VPS13C: variants seen among roughly 807,000 people sequenced by gnomAD.
The protein encoded by VPS13C is intermembrane lipid transfer protein VPS13C.
In VPS13C, 358 loss-of-function variants were observed where a neutral mutation model predicts 456.8. The observed-to-expected ratio is 0.78, with a 90% CI of 0.72 to 0.86. The LOEUF is 0.86. Ranked by LOEUF, VPS13C falls within the 40% of genes least tolerant of loss-of-function variation. The pLI is 0.00. For missense variants in VPS13C, 4,818 were observed against 4,385.4 expected (o/e 1.10, Z -2.79); for synonymous variants, 1,578 against 1,486.7 (o/e 1.06, Z -1.41).
At chr15:61,904,585 T>G (rs1207253320) in intron 66 of VPS13C, among the ~76,000 whole-genome samples, 3 of 151,646 alleles carry the variant, frequency 2.0e-5, no homozygotes, top group Admixed American at 6.6e-5. Flanking sequence ...GAAAACAGTA[T>G]GGAGTTTCCT....
chr15:61,871,924 T>G (rs1486363800), intron 79 of VPS13C, 65 bp downstream of exon 79: 4 of 1,397,654 alleles, frequency 2.9e-6, no homozygotes, highest in Non-Finnish European at 4.0e-6. Context: ...CAATAACATC[T>G]ACTATGTTTA....
At chr15:61,950,567 AC>A (rs1225032299) in intron 40 of VPS13C, 150 bp from the exon 41 acceptor site, 3 of 657,752 alleles carry the variant, frequency 4.6e-6, no homozygotes, top group East Asian at 2.8e-5. Flanking sequence ...AAAAAAAAAA[AC>A]AAAAACAAAC....
At chr15:61,868,260 G>A (rs929951782) in intron 81 of VPS13C, among the ~76,000 whole-genome samples, 1 of 151,878 alleles carries the variant, frequency 6.6e-6, no homozygotes, top group Non-Finnish European at 1.5e-5. Flanking sequence ...TCTAGTTCTA[G>A]TTACTGGAAT....
At chr15:62,007,875 G>A (rs183837841) in intron 14 of VPS13C, among the ~76,000 whole-genome samples, 1 of 152,232 alleles carries the variant, frequency 6.6e-6, no homozygotes, top group African/African-American at 2.4e-5. Flanking sequence ...GAGAGGCCAA[G>A]GCGGGCAGAT....
chr15:62,054,128 A>G (rs961238797), intron 1 of VPS13C, among the ~76,000 whole-genome samples: 1 of 152,206 alleles, frequency 6.6e-6, no homozygotes, highest in Non-Finnish European at 1.5e-5. Context: ...GCATTTCAAC[A>G]TACCTTTTCA....
intron 15 of VPS13C, among the ~76,000 whole-genome samples, chr15:62,001,319 A>G (rs1236857687): frequency 6.6e-6 from 1 of 152,232 alleles, no homozygotes; most frequent in Non-Finnish European, 1.5e-5. Flanking sequence ...ATCTGACGCC[A>G]ATAACTACGC....
intron 24 of VPS13C, 122 bp downstream of exon 24, chr15:61,976,960 A>C (rs2045720289): frequency 1.6e-6 from 1 of 624,788 alleles, no homozygotes; most frequent in African/African-American, 1.9e-5. Context: ...TCTGCTGCAA[A>C]TTGGAATAAT....
intron 1 of VPS13C, among the ~76,000 whole-genome samples, chr15:62,048,762 CCT>C (rs1461019218): frequency 6.6e-6 from 1 of 151,920 alleles, no homozygotes; most frequent in Non-Finnish European, 1.5e-5. Context: ...CTCTCCAGCA[CCT>C]GTTGTTTCCT....
In VPS13C at chr15:61,871,673, C is replaced by G. The variant is rs149873497; in HGVS notation, c.10624+316G>C. ...AACTGGGATTTTGATAAGGGTTGCA[C>G]TGAATAAGCAATGTGCTTTTTTAAT... On this transcript the variant is annotated intron_variant, in intron 79 of 84. Coordinates refer to ENST00000644861, the MANE Select transcript of VPS13C (RefSeq NM_020821.3). 8.2e-4 allele frequency among the ~76,000 whole-genome samples: 124 copies of G among 152,124 alleles called. 1 individual carries two copies. The highest frequency in any genetic ancestry group is 7.0e-3 in the South Asian group (34 of 4,830).
rs1296651795 is a variant in VPS13C at position 61,998,751 on chromosome 15, G to A, written c.1353+1813C>T. On this transcript the variant is annotated intron_variant, in intron 16 of 84. Coordinates refer to ENST00000644861, the MANE Select transcript of VPS13C (RefSeq NM_020821.3). The stretch of plus-strand genomic sequence containing the variant: ...ATGAACAAGTGTAGAGATGACCCTT[G>A]AACAACATGGGTTTGAACGGCATGA... 3.9e-5 allele frequency among the ~76,000 whole-genome samples: 6 copies of A among 152,208 alleles called. No individual in the cohort carries two copies. In the East Asian group the frequency reaches 1.2e-3, roughly 29 times the overall value.
Position 62,012,170 on chromosome 15 carries a change from C to T in VPS13C, c.826-6G>A, listed in dbSNP as rs1053640529. ...ATTTCATTTTTCAGCTGATCCTAAA[C>T]AAAAAATTTGAATGAGAATGAAAAA... On this transcript the variant is annotated splice_region_variant and splice_polypyrimidine_tract_variant and intron_variant, in intron 11 of 84. Coordinates refer to ENST00000644861, the MANE Select transcript of VPS13C (RefSeq NM_020821.3). 2 of 1,521,866 alleles carry T rather than the reference C, an allele frequency of 1.3e-6. No individual in the cohort carries two copies. Among genetic ancestry groups the T allele is most frequent in the Admixed American group, 1.7e-5 (1 of 57,806 alleles). The allele number at this position is 1,521,866 out of a possible 1,614,324, so 94.3% of individuals were successfully genotyped here. A position where few individuals can be genotyped will look rare whatever the true frequency, so the allele number is the denominator to read the frequency against.
chr15:62,048,093 C>G (rs1035061801), intron 1 of VPS13C, among the ~76,000 whole-genome samples: 3 of 144,340 alleles, frequency 2.1e-5, no homozygotes, highest in African/African-American at 7.7e-5. Context: ...CATTTGTTCT[C>G]ATTTTCTTTT....
intron 30 of VPS13C, among the ~76,000 whole-genome samples, chr15:61,965,785 G>A (rs1272153728): frequency 6.6e-6 from 1 of 151,718 alleles, no homozygotes; most frequent in Admixed American, 6.6e-5. Flanking sequence ...TATCTAGTTT[G>A]GCTAGTTTAG....
chr15:62,037,274 ATATATTATAT>A (rs2048055678), intron 3 of VPS13C, among the ~76,000 whole-genome samples: 1 of 66,692 alleles, frequency 1.5e-5, no homozygotes, highest in Non-Finnish European at 2.6e-5. Context: ...ATATTATATA[ATATATTATAT>A]ATATTATATT....
chr15:61,866,045 G>C (rs527921233), intron 81 of VPS13C: 1 of 984,134 alleles, frequency 1.0e-6, no homozygotes, highest in East Asian at 1.1e-4. Context: ...TGTTTTACTC[G>C]GTCCCTTAAG....
Position 61,964,850 on chromosome 15 carries a change from T to A in VPS13C, c.3063A>T (p.Ser1021=), listed in dbSNP as rs749620148. Residue 1021 remains serine, a synonymous_variant, in exon 31 of 85, where the codon TCA becomes TCT. Transcript: ENST00000644861. ...GTGTTTGCAGCAACAGATTTAAAGA[T>A]GAAAAGGCCACCTAAAAATGTTTTA... ...KTEQTVKVAF[S]SLNLLLQTQA... 1.9e-6 allele frequency: 3 copies of A among 1,598,692 alleles called. No individual in the cohort carries two copies. Among genetic ancestry groups the A allele is most frequent in the Non-Finnish European group, 2.6e-6 (3 of 1,175,366 alleles).
intron 5 of VPS13C, among the ~76,000 whole-genome samples, chr15:62,030,298 A>T (rs562730726): frequency 2.0e-5 from 3 of 152,238 alleles, no homozygotes; most frequent in Admixed American, 6.5e-5. Flanking sequence ...TATGATTTGG[A>T]TATTGGTCCC....
At chr15:62,037,253 TTA>T (rs1178874778) in intron 3 of VPS13C, among the ~76,000 whole-genome samples, 9 of 21,756 alleles carry the variant, frequency 4.1e-4, no homozygotes, top group Admixed American at 2.1e-3. Context: ...TATAATATAT[TTA>T]TATATATTAT....
rs1334028131 is a variant in VPS13C, at chr15:61,963,840, A to G, written c.3326T>C (p.Ile1109Thr). The part of the protein sequence containing the change: ...NEKNNIAEIK[I>T]QGLDSSLSLQ... Reference sequence around the variant, plus strand: ...AATGCCGTGTGAACTTTTACCTTGAATCTTGATTTCGGCGATATTGTTCTT... The same window carrying G: ...AATGCCGTGTGAACTTTTACCTTGAGTCTTGATTTCGGCGATATTGTTCTT... Residue 1109 changes from isoleucine (I) to threonine (T), a missense_variant, in exon 32 of 85, where the codon ATT (isoleucine) becomes ACT (threonine). Around this residue, in one of 3 missense-constraint regions of VPS13C, gnomAD observed 4,552 missense variants for 4,130.6 expected, o/e 1.10. Transcript: ENST00000644861. 17 of 1,606,582 alleles carry G rather than the reference A, an allele frequency of 1.1e-5. No individual in the cohort carries two copies. The highest frequency in any genetic ancestry group is 5.1e-5 in the Admixed American group (3 of 59,124).
Sources: gnomAD v4.1 joint callset for allele counts (sites outside exome capture counted in the v4.1 genomes callset) on GRCh38, gnomAD v4.1.1 for gene constraint, gnomAD v4.1.1 regional missense constraint, MANE v1.5 for transcripts, NCBI Gene and HGNC (gene_info 2026-07-23, HGNC 2026-07-21) for gene names.